Variants in TBC1D12 observed in about 807,000 individuals in gnomAD.
TBC1D12 encodes the protein TBC1 domain family member 12, also known as TBC1 domain family, member 12.
In TBC1D12, 56 loss-of-function variants were observed where a neutral mutation model predicts 86.7. That is an observed-to-expected ratio of 0.65 (90% confidence interval 0.52 to 0.81). The LOEUF is 0.81. Among genes scored for constraint, TBC1D12 ranks in the 30% least tolerant of loss-of-function variants. The pLI is 0.00. For synonymous variants in TBC1D12, 421 were observed against 411.7 expected, an observed-to-expected ratio of 1.02 and a Z score of -0.27; for missense variants, 1,023 against 1,038.8, an observed-to-expected ratio of 0.98 and a Z score of 0.21.
chr10:94,517,511 T>G (rs1057404827), intron 9 of TBC1D12, among the ~76,000 whole-genome samples: 1 of 151,570 alleles, frequency 6.6e-6, no homozygotes, highest in Non-Finnish European at 1.5e-5. Context: ...GTTTTAAATA[T>G]TTTTTTTTAC....
chr10:94,456,102 TTTA>T (rs2055623961), intron 2 of TBC1D12, among the ~76,000 whole-genome samples: 1 of 152,210 alleles, frequency 6.6e-6, no homozygotes, highest in African/African-American at 2.4e-5. Flanking sequence ...GATTATAAAT[TTTA>T]TTGATCTTTT....
In TBC1D12 at chr10:94,422,871, T is replaced by C. The variant is rs200836574; in HGVS notation, c.972-19025T>C. Among the ~76,000 whole-genome samples the C allele has an allele frequency of 6.6e-5, 10 of 152,274 alleles. No individual in the cohort carries two copies. The East Asian group carries it at 1.9e-3, about 29-fold the overall frequency. On this transcript the variant is annotated intron_variant, in intron 1 of 12. Transcript: ENST00000225235. ...ACAGGTGTGAGCCACCACACCTGGC[T>C]AAGCTACCTTAAATAAAGTAGAATT...
At chr10:94,477,517 T>C (rs1469651635) in intron 3 of TBC1D12, among the ~76,000 whole-genome samples, 1 of 152,216 alleles carries the variant, frequency 6.6e-6, no homozygotes, top group East Asian at 1.9e-4. Context: ...GGGTACAACC[T>C]GAGTACTAAA....
chr10:94,460,151 G>A (rs899242013), intron 2 of TBC1D12, among the ~76,000 whole-genome samples: 16 of 152,216 alleles, frequency 1.1e-4, no homozygotes, highest in Non-Finnish European at 2.1e-4. Flanking sequence ...AGAATCGCTT[G>A]AACCTGGGAG....
At chr10:94,470,571 C>A (rs1365065592) in intron 2 of TBC1D12, among the ~76,000 whole-genome samples, 1 of 152,006 alleles carries the variant, frequency 6.6e-6, no homozygotes, top group Non-Finnish European at 1.5e-5. Flanking sequence ...CCATGTTGCC[C>A]AGGCTGGTCT....
intron 2 of TBC1D12, among the ~76,000 whole-genome samples, chr10:94,473,593 C>G (rs1330528593): frequency 6.6e-6 from 1 of 152,070 alleles, no homozygotes; most frequent in Non-Finnish European, 1.5e-5. Flanking sequence ...AAATCAGTGT[C>G]TTCTATAGCC....
intron 1 of TBC1D12, among the ~76,000 whole-genome samples, chr10:94,404,665 AAAAG>A (rs1242672352): frequency 6.6e-6 from 1 of 150,832 alleles, no homozygotes; most frequent in East Asian, 1.9e-4. Context: ...AAAAAAAAAG[AAAAG>A]AAAGAAATTA....
chr10:94,497,212 G>A (rs373965667), intron 5 of TBC1D12, 40 bp downstream of exon 5: 287 of 1,188,182 alleles, frequency 2.4e-4, no homozygotes, highest in Non-Finnish European at 3.2e-4. Context: ...ATTTGTCTCC[G>A]AAGATCTCAT....
chr10:94,464,920 A>G (rs2055784126), intron 2 of TBC1D12, among the ~76,000 whole-genome samples: 1 of 152,226 alleles, frequency 6.6e-6, no homozygotes, highest in African/African-American at 2.4e-5. Context: ...CTGGATTCTC[A>G]TATCTACTCT....
chr10:94,441,069 T>G (rs2055373765), intron 1 of TBC1D12, among the ~76,000 whole-genome samples: 1 of 151,918 alleles, frequency 6.6e-6, no homozygotes, highest in Non-Finnish European at 1.5e-5. Flanking sequence ...GGGCTAGTCT[T>G]GAGCTGCTGA....
At chr10:94,531,495 T>G in intron 12 of TBC1D12, 35 bp downstream of exon 12, 6 of 1,546,490 alleles carry the variant, frequency 3.9e-6, no homozygotes, top group Non-Finnish European at 5.2e-6. Context: ...AATAGATGTG[T>G]TAAAGCAGTT....
At chr10:94,439,277 T>TA (rs1208145030) in intron 1 of TBC1D12, among the ~76,000 whole-genome samples, 1 of 152,246 alleles carries the variant, frequency 6.6e-6, no homozygotes, top group Non-Finnish European at 1.5e-5. Flanking sequence ...TCATATCCAA[T>TA]AATTATTTTC....
At position 94,403,113 on chromosome 10, in the gene TBC1D12, G is replaced by C; in HGVS notation, c.500G>C (p.Arg167Pro). The change falls in exon 1 of 13, where the codon CGC (arginine) becomes CCC (proline). Residue 167 changes from arginine (R) to proline (P), a missense_variant. Coordinates refer to ENST00000225235, the MANE Select transcript of TBC1D12 (RefSeq NM_015188.2). The part of the protein sequence containing the change: ...RAGGRESRRR[R>P]PYGRLRLEGP... ...GGCGGCCGGGAGTCGCGCCGCCGCC[G>C]CCCCTACGGCCGCCTTCGCCTGGAG... 1 of 1,385,672 alleles carries C rather than the reference G, an allele frequency of 7.2e-7. No homozygotes were observed. The highest frequency in any genetic ancestry group is 9.3e-7 in the Non-Finnish European group (1 of 1,075,926). The allele number at this position is 1,385,672 out of a possible 1,614,324, so 85.8% of individuals were successfully genotyped here. A position where few individuals can be genotyped will look rare whatever the true frequency, so the allele number is the denominator to read the frequency against.
At position 94,533,017 on chromosome 10, in the gene TBC1D12, A is replaced by G. The variant is rs752474091; in HGVS notation, c.2260-11A>G. The G allele has an allele frequency of 4.1e-6, 6 of 1,473,000 alleles. No homozygotes were observed. In the East Asian group the frequency reaches 1.2e-4, roughly 29 times the overall value. 91.2% of individuals were successfully genotyped at this position (1,473,000 alleles called of 1,614,324 possible). On this transcript the variant is annotated splice_polypyrimidine_tract_variant and intron_variant, in intron 12 of 12. Transcript: ENST00000225235. ...TTTTGAGGATTAATCTTTATTTTATATAATTTTCAGGTCTTTGCATCTGTA... is the reference window on the plus strand; with the variant it reads ...TTTTGAGGATTAATCTTTATTTTATGTAATTTTCAGGTCTTTGCATCTGTA...
In TBC1D12 at chr10:94,493,354, T is replaced by C; in HGVS notation, c.1212-11T>C. 6.2e-7 allele frequency: 1 copy of C among 1,602,288 alleles called. No homozygotes were observed. Among genetic ancestry groups the C allele is most frequent in the Non-Finnish European group, 8.5e-7 (1 of 1,176,066 alleles). ...AAAAATTGTCTTGACTTAAGTAATT[T>C]TTTTTTCCAGAAATCTTCCTGCCAA... On this transcript the variant is annotated splice_polypyrimidine_tract_variant and intron_variant, in intron 3 of 12. Coordinates refer to ENST00000225235, the MANE Select transcript of TBC1D12 (RefSeq NM_015188.2).
Position 94,520,908 on chromosome 10 carries a change from G to A in TBC1D12, c.1762-1047G>A, listed in dbSNP as rs926841770. Reference sequence around the variant, plus strand: ...ACTCCTGACCTCAGGTGATCCGCCCGCCTCGGCCTCCCAAAGTGTTGGGAT... The same window carrying A: ...ACTCCTGACCTCAGGTGATCCGCCCACCTCGGCCTCCCAAAGTGTTGGGAT... On this transcript the variant is annotated intron_variant, in intron 9 of 12. Transcript: ENST00000225235. 3.5e-4 allele frequency among the ~76,000 whole-genome samples: 54 copies of A among 152,244 alleles called. 1 individual carries two copies. The highest frequency in any genetic ancestry group is 1.8e-3 in the Admixed American group (28 of 15,290).
At chr10:94,421,272 C>T (rs1007003258) in intron 1 of TBC1D12, among the ~76,000 whole-genome samples, 2 of 152,180 alleles carry the variant, frequency 1.3e-5, no homozygotes, top group African/African-American at 4.8e-5. Context: ...TAAGTGAGAT[C>T]ATGTGGTATT....
intron 11 of TBC1D12, among the ~76,000 whole-genome samples, chr10:94,522,909 T>G (rs571479073): frequency 6.6e-6 from 1 of 151,718 alleles, no homozygotes; most frequent in African/African-American, 2.4e-5. Flanking sequence ...CCAGGTATAG[T>G]GGCATGCACC....
At chr10:94,488,029 C>T (rs2056193416) in intron 3 of TBC1D12, among the ~76,000 whole-genome samples, 2 of 152,060 alleles carry the variant, frequency 1.3e-5, no homozygotes, top group Admixed American at 6.6e-5. Flanking sequence ...TCTTATTTTA[C>T]TGCCTATGTC....
Sources: gnomAD v4.1 joint callset for allele counts (sites outside exome capture counted in the v4.1 genomes callset) on GRCh38, gnomAD v4.1.1 for gene constraint, MANE v1.5 for transcripts, NCBI Gene and HGNC (gene_info 2026-07-23, HGNC 2026-07-21) for gene names.